The following CAMSAP2 variants were observed in gnomAD, a reference collection of about 807,000 sequenced individuals.
The protein encoded by CAMSAP2 is calmodulin regulated spectrin associated protein family member 2.
A neutral mutation model predicts 146.1 loss-of-function variants in CAMSAP2; 26 were observed. The observed-to-expected ratio is 0.18, with a 90% CI of 0.13 to 0.25. The LOEUF is 0.25. Ranked by LOEUF, CAMSAP2 falls within the 10% of genes least tolerant of loss-of-function variation. The pLI is 1.00. For synonymous variants in CAMSAP2, 499 were observed against 596.6 expected (o/e 0.84, Z 2.38); for missense variants, 1,381 against 1,759.3 (o/e 0.78, Z 3.85).
In CAMSAP2 at chr1:200,857,902, T is replaced by C. The variant is rs765317513; in HGVS notation, c.4280T>C (p.Ile1427Thr). 5.0e-6 allele frequency: 8 copies of C among 1,613,758 alleles called. No homozygotes were observed. In the African/African-American group the frequency reaches 1.1e-4, roughly 22 times the overall value. Residue 1427 changes from isoleucine (I) to threonine (T), a missense_variant, in exon 17 of 17, where the codon ATT becomes ACT. Coordinates refer to ENST00000358823, the MANE Select transcript of CAMSAP2 (RefSeq NM_203459.4). The surrounding 1 kb of genome is among the most constrained non-coding windows in gnomAD (Gnocchi z 4.7). ...IGPKSITKKM[I>T]EGLYKYNSDR... Reference sequence around the variant, plus strand: ...CCTAAATCTATCACTAAAAAAATGATTGAAGGACTTTACAAATATAATTCT... The same window carrying C: ...CCTAAATCTATCACTAAAAAAATGACTGAAGGACTTTACAAATATAATTCT...
Position 200,850,067 on chromosome 1 carries a change from C to T in CAMSAP2, c.3298C>T (p.Pro1100Ser). ...LNQPTEPPPK[P>S]VFPPTAPKNV... ...TCAACCCACAGAACCCCCTCCTAAA[C>T]CCGTTTTCCCACCCACTGCTCCAAA... is the stretch of plus-strand genomic sequence containing the variant. The change falls in exon 11 of 17, where the codon CCC (proline) becomes TCC (serine). Residue 1100 changes from proline to serine, a missense_variant. Physicochemically the swap from Pro to Ser is moderately conservative, Grantham distance 74 (BLOSUM62 -1). Coordinates refer to ENST00000358823, the MANE Select transcript of CAMSAP2 (RefSeq NM_203459.4). 1.9e-6 allele frequency: 3 copies of T among 1,613,510 alleles called. No homozygotes were observed. Among genetic ancestry groups the T allele is most frequent in the Non-Finnish European group, 2.5e-6 (3 of 1,179,768 alleles).
rs184553061 is a variant in CAMSAP2 at position 200,812,237 on chromosome 1, G to A, written c.562-3324G>A. Among the ~76,000 whole-genome samples the A allele has an allele frequency of 1.6e-3, 250 of 152,072 alleles. 4 individuals are homozygous for A. The highest frequency in any genetic ancestry group is 0.014 in the Admixed American group (214 of 15,266). ...GATGACCTTCTTCTTTTCAGTTTTA[G>A]TATCTAGACCAGCACAGTGTTTGAC... On this transcript the variant is annotated intron_variant, in intron 3 of 16. Coordinates refer to ENST00000358823, the MANE Select transcript of CAMSAP2 (RefSeq NM_203459.4).
chr1:200,786,780 A>G (rs1571753430), intron 2 of CAMSAP2, among the ~76,000 whole-genome samples: 1 of 152,236 alleles, frequency 6.6e-6, no homozygotes, highest in South Asian at 2.1e-4. Flanking sequence ...GACTGGCTTC[A>G]GTGCTTCAAA....
intron 3 of CAMSAP2, among the ~76,000 whole-genome samples, chr1:200,812,268 G>T (rs1003256839): frequency 1.3e-5 from 2 of 151,306 alleles, no homozygotes; most frequent in African/African-American, 4.9e-5. Flanking sequence ...TTGACAAAGA[G>T]ATTATATTTA....
rs1667558609 is a variant in CAMSAP2, at chr1:200,849,523, G to T, written c.2754G>T (p.Val918=). The change falls in exon 11 of 17, where the codon GTG becomes GTT. Residue 918 remains valine, a synonymous_variant. Coordinates refer to ENST00000358823, the MANE Select transcript of CAMSAP2 (RefSeq NM_203459.4). The surrounding 1 kb of genome is among the most constrained non-coding windows in gnomAD (Gnocchi z 6.3). ...LMQMREQQSW[V]ISPPQPSPQK... ...AGATGAGAGAGCAACAATCTTGGGT[G>T]ATTTCACCTCCACAACCCTCTCCAC... 6.2e-7 allele frequency: 1 copy of T among 1,614,184 alleles called. No individual in the cohort carries two copies.
chr1:200,850,715 C>G (rs1422039637), intron 11 of CAMSAP2, among the ~76,000 whole-genome samples: 1 of 152,154 alleles, frequency 6.6e-6, no homozygotes, highest in African/African-American at 2.4e-5. Context: ...CATTTCTATT[C>G]CATTTATTTA....
chr1:200,788,515 C>T (rs1272915443), intron 2 of CAMSAP2, among the ~76,000 whole-genome samples: 1 of 152,114 alleles, frequency 6.6e-6, no homozygotes, highest in African/African-American at 2.4e-5. Flanking sequence ...AATGAAAGTT[C>T]CTGTTGTTCC....
chr1:200,774,959 C>G (rs922542048), intron 2 of CAMSAP2, among the ~76,000 whole-genome samples: 1 of 152,158 alleles, frequency 6.6e-6, no homozygotes, highest in African/African-American at 2.4e-5. Flanking sequence ...AGAAGACAGA[C>G]CAAGCCCCTG....
At chr1:200,765,112 C>CA (rs1275640836) in intron 2 of CAMSAP2, among the ~76,000 whole-genome samples, 1 of 151,676 alleles carries the variant, frequency 6.6e-6, no homozygotes, top group Non-Finnish European at 1.5e-5. Context: ...TCAAAAAAAA[C>CA]AAAAAAACAA....
intron 2 of CAMSAP2, among the ~76,000 whole-genome samples, chr1:200,763,707 A>G (rs1664863276): frequency 6.6e-6 from 1 of 152,220 alleles, no homozygotes; most frequent in Non-Finnish European, 1.5e-5. Context: ...GATTGATGAT[A>G]TTTAATGTAA....
intron 3 of CAMSAP2, among the ~76,000 whole-genome samples, chr1:200,809,926 G>A (rs1377403077): frequency 6.6e-6 from 1 of 152,164 alleles, no homozygotes; most frequent in Non-Finnish European, 1.5e-5. Context: ...GAGCATGTTA[G>A]CTCAGGTCTG....
At chr1:200,845,263 T>TC (rs936354226) in intron 8 of CAMSAP2, among the ~76,000 whole-genome samples, 10 of 151,774 alleles carry the variant, frequency 6.6e-5, no homozygotes, top group African/African-American at 2.4e-4. Context: ...CTGCTTTTTT[T>TC]TTTTCTTGTT....
intron 14 of CAMSAP2, 70 bp downstream of exon 14, chr1:200,854,959 A>G: frequency 8.7e-7 from 1 of 1,147,150 alleles, no homozygotes; most frequent in Non-Finnish European, 1.2e-6. Context: ...AACTCTAAGT[A>G]AAAATTCTTC....
chr1:200,841,478 C>G (rs553096432), intron 6 of CAMSAP2, among the ~76,000 whole-genome samples: 1 of 152,316 alleles, frequency 6.6e-6, no homozygotes, highest in Admixed American at 6.5e-5. Flanking sequence ...AAACTCCTGA[C>G]CTCGTGATCT....
intron 2 of CAMSAP2, among the ~76,000 whole-genome samples, chr1:200,783,906 A>G (rs1665511665): frequency 6.6e-6 from 1 of 152,040 alleles, no homozygotes; most frequent in Non-Finnish European, 1.5e-5. Context: ...TTTCTTGCCT[A>G]TATTATGGTT....
At chr1:200,834,416 C>G (rs1667133508) in intron 6 of CAMSAP2, among the ~76,000 whole-genome samples, 1 of 151,740 alleles carries the variant, frequency 6.6e-6, no homozygotes, top group Non-Finnish European at 1.5e-5. Context: ...GAAAATCATT[C>G]CATTCCATTC....
At chr1:200,749,014 A>G (rs578231229) in intron 1 of CAMSAP2, among the ~76,000 whole-genome samples, 2 of 152,316 alleles carry the variant, frequency 1.3e-5, no homozygotes, top group South Asian at 2.1e-4. Flanking sequence ...AACAACTTAA[A>G]ATGCCCAAAT....
chr1:200,759,658 T>C (rs1664746335), intron 1 of CAMSAP2, among the ~76,000 whole-genome samples: 1 of 152,192 alleles, frequency 6.6e-6, no homozygotes, highest in African/African-American at 2.4e-5. Context: ...AGGAAACAGC[T>C]AAGATCAGTG....
At chr1:200,753,198 C>T (rs1203359213) in intron 1 of CAMSAP2, among the ~76,000 whole-genome samples, 2 of 150,144 alleles carry the variant, frequency 1.3e-5, no homozygotes, top group Admixed American at 6.7e-5. Context: ...CTCGGTAGGC[C>T]GAGGCAGGAG....
Sources: gnomAD v4.1 joint callset for allele counts (sites outside exome capture counted in the v4.1 genomes callset) on GRCh38, gnomAD v4.1.1 for gene constraint, Gnocchi (gnomAD v3.1) non-coding constraint, MANE v1.5 for transcripts, NCBI Gene and HGNC (gene_info 2026-07-23, HGNC 2026-07-21) for gene names.